PPM1K: variants seen among roughly 807,000 people sequenced by gnomAD.
PPM1K encodes protein phosphatase, Mg2+/Mn2+ dependent 1K.
Under a neutral mutation model 32.6 loss-of-function variants are expected in PPM1K, and 19 were observed. The observed-to-expected ratio is 0.58, with a 90% CI of 0.41 to 0.86. The LOEUF (loss-of-function observed/expected upper bound fraction) is 0.86, where lower values mean the gene tolerates loss of function less well. Among genes scored for constraint, PPM1K ranks in the 40% least tolerant of loss-of-function variants. The pLI is 0.00. For missense variants in PPM1K, 362 were observed against 461.2 expected, an observed-to-expected ratio of 0.78 and a Z score of 1.97; for synonymous variants, 159 against 165.3, an observed-to-expected ratio of 0.96 and a Z score of 0.29.
intron 6 of PPM1K, among the ~76,000 whole-genome samples, chr4:88,264,769 T>C (rs1042120576): frequency 1.3e-5 from 2 of 152,234 alleles, no homozygotes; most frequent in African/African-American, 4.8e-5. Context: ...ACTATTATAA[T>C]TTACTATTGC....
rs995938213 is a variant in PPM1K at position 88,261,854 on chromosome 4, C to G, written c.*741G>C. On this transcript the variant is annotated 3_prime_UTR_variant, in exon 7 of 7. Transcript: ENST00000608933. ...CTGGGATTACAGGTGTCTGCCACCA[C>G]GCCCAGCCAATTTTTTTTTTTTTTT... 2 of 147,640 alleles carry G rather than the reference C, an allele frequency of 1.4e-5. No homozygotes were observed. Among genetic ancestry groups the G allele is most frequent in the Non-Finnish European group, 3.0e-5 (2 of 67,282 alleles). The allele number at this position is 147,640 out of a possible 1,614,324, so 9.1% of individuals were successfully genotyped here.
At position 88,258,109 on chromosome 4, in the gene PPM1K, AC is replaced by A. The variant is rs1396223338; in HGVS notation, c.*4485del. The A allele has an allele frequency of 1.3e-5, 2 of 152,210 alleles. No homozygotes were observed. The highest frequency in any genetic ancestry group is 2.9e-5 in the Non-Finnish European group (2 of 68,040). 9.4% of individuals were successfully genotyped at this position (152,210 alleles called of 1,614,324 possible). ...ATCTATATAAGCGAATCTAATAAAT[AC>A]AATAAAATGTAACCCAACAAAATTC... is the stretch of plus-strand genomic sequence containing the variant. On this transcript the variant is annotated 3_prime_UTR_variant, in exon 7 of 7. Coordinates refer to ENST00000608933, the MANE Select transcript of PPM1K (RefSeq NM_152542.5).
chr4:88,282,246 G>T (rs1013995825), intron 1 of PPM1K, among the ~76,000 whole-genome samples: 21 of 152,138 alleles, frequency 1.4e-4, no homozygotes, highest in Non-Finnish European at 2.1e-4. Flanking sequence ...ACTTTCTCTG[G>T]CAGGAAGGTG....
intron 3 of PPM1K, 101 bp downstream of exon 3, chr4:88,277,042 A>C: frequency 3.3e-6 from 3 of 914,076 alleles, no homozygotes; most frequent in Non-Finnish European, 5.1e-6. Flanking sequence ...ACAATTGTCC[A>C]TTAAAATCCC....
chr4:88,280,321 CA>C (rs1368541511), intron 1 of PPM1K, among the ~76,000 whole-genome samples: 6 of 152,158 alleles, frequency 3.9e-5, no homozygotes, highest in African/African-American at 1.4e-4. Flanking sequence ...GCCACCAAAA[CA>C]AGTAATGTAT....
At chr4:88,263,741 T>C (rs537330703) in intron 6 of PPM1K, among the ~76,000 whole-genome samples, 1 of 152,256 alleles carries the variant, frequency 6.6e-6, no homozygotes, top group Non-Finnish European at 1.5e-5. Context: ...CCACCAAACC[T>C]GGCCTAAAGA....
At chr4:88,273,564 C>T (rs1731645508) in intron 3 of PPM1K, among the ~76,000 whole-genome samples, 1 of 151,906 alleles carries the variant, frequency 6.6e-6, no homozygotes, top group African/African-American at 2.4e-5. Context: ...GCCTATAATC[C>T]CAGGTACTTG....
chr4:88,276,789 AC>A, intron 3 of PPM1K: 3 of 1,007,424 alleles, frequency 3.0e-6, no homozygotes, highest in Non-Finnish European at 2.4e-6. Context: ...TAAAAAAAAA[AC>A]CAAAAACCCA....
At chr4:88,266,618 A>ATTGC (rs1731318719) in intron 5 of PPM1K, among the ~76,000 whole-genome samples, 1 of 135,262 alleles carries the variant, frequency 7.4e-6, no homozygotes, top group Admixed American at 7.5e-5. Flanking sequence ...ATGTTGGCTG[A>ATTGC]TTGGGTGCAG....
chr4:88,272,774 C>T (rs148268462), intron 3 of PPM1K, among the ~76,000 whole-genome samples: 174 of 152,258 alleles, frequency 1.1e-3, no homozygotes, highest in African/African-American at 4.0e-3. Context: ...CTTGTTCTTG[C>T]CATTTCTTGA....
intron 3 of PPM1K, among the ~76,000 whole-genome samples, chr4:88,271,721 G>C (rs1386820416): frequency 6.6e-6 from 1 of 152,156 alleles, no homozygotes; most frequent in African/African-American, 2.4e-5. Context: ...ATTTGTATCT[G>C]ACAAGCAGGA....
chr4:88,271,561 C>T (rs1358035119), intron 3 of PPM1K, among the ~76,000 whole-genome samples: 1 of 152,174 alleles, frequency 6.6e-6, no homozygotes, highest in African/African-American at 2.4e-5. Flanking sequence ...AACACTCACG[C>T]ATATACACAT....
intron 2 of PPM1K, chr4:88,277,917 A>G (rs1313899454): frequency 3.5e-6 from 2 of 575,730 alleles, no homozygotes; most frequent in Non-Finnish European, 6.2e-6. Context: ...TAAGTGCTAT[A>G]GATTTTGGTT....
Position 88,268,236 on chromosome 4 carries a change from AG to A in PPM1K, c.805del (p.Lys270ArgfsTer6). ...TTCTGCTATGACACCACTGGTCTTA[AG>A]GTCCAAATCTCCAATACTTCTTGTC... ...AMTRSIGDLDLKTSGVIAEPE... is the reference protein window; with the variant it reads ...AMTRSIGDLDXKTSGVIAEPE... On this transcript the variant is annotated frameshift_variant, in exon 5 of 7. Transcript: ENST00000608933. LOFTEE classifies it high-confidence loss of function. 6.2e-7 allele frequency: 1 copy of A among 1,614,168 alleles called. No homozygotes were observed. The highest frequency in any genetic ancestry group is 8.5e-7 in the Non-Finnish European group (1 of 1,180,016).
rs369204921 is a variant in PPM1K, at chr4:88,268,734, G to A, written c.707+7C>T. ...AGAATGATATGATGGATCAGTGGTG[G>A]TAGTACCTTTCTTTTTCATCTTTTC... On this transcript the variant is annotated splice_region_variant and intron_variant, in intron 4 of 6. Transcript: ENST00000608933. 85 of 1,612,360 alleles carry A rather than the reference G, an allele frequency of 5.3e-5. No homozygotes were observed. In the Admixed American group the frequency reaches 1.4e-3, roughly 27 times the overall value.
At chr4:88,264,868 A>C in intron 6 of PPM1K, 133 bp downstream of exon 6, 2 of 986,108 alleles carry the variant, frequency 2.0e-6, no homozygotes, top group Non-Finnish European at 2.9e-6. Flanking sequence ...TGGGGAAATA[A>C]AAATTTTATA....
In PPM1K at chr4:88,258,071, T is replaced by C. The variant is rs1442784532; in HGVS notation, c.*4524A>G. 4 of 152,226 alleles carry C rather than the reference T, an allele frequency of 2.6e-5. No homozygotes were observed. Among genetic ancestry groups the C allele is most frequent in the Admixed American group, 2.0e-4 (3 of 15,282 alleles). The allele number at this position is 152,226 out of a possible 1,614,324, so 9.4% of individuals were successfully genotyped here. ...TCACCTTCTAAAGACATGACTTTAT[T>C]TCTGCCTAAGTCATCTATATAAGCG... On this transcript the variant is annotated 3_prime_UTR_variant, in exon 7 of 7. Coordinates refer to ENST00000608933, the MANE Select transcript of PPM1K (RefSeq NM_152542.5).
At chr4:88,271,243 C>A in intron 3 of PPM1K, 1 of 401,600 alleles carries the variant, frequency 2.5e-6, no homozygotes, top group Non-Finnish European at 4.9e-6. Context: ...AGGAATTGTG[C>A]TCAAACATTA....
chr4:88,272,717 C>T (rs1731613488), intron 3 of PPM1K, among the ~76,000 whole-genome samples: 1 of 152,062 alleles, frequency 6.6e-6, no homozygotes, highest in South Asian at 2.1e-4. Flanking sequence ...AATGCATTAA[C>T]AAAAAAGCAA....
Sources: gnomAD v4.1 joint callset for allele counts (sites outside exome capture counted in the v4.1 genomes callset) on GRCh38, gnomAD v4.1.1 for gene constraint, MANE v1.5 for transcripts, NCBI Gene and HGNC (gene_info 2026-07-23, HGNC 2026-07-21) for gene names.